The following ATRNL1 variants were observed in gnomAD, a reference collection of about 807,000 sequenced individuals.
The protein encoded by ATRNL1 is attractin-like protein 1.
In ATRNL1, 95 loss-of-function variants were observed where a neutral mutation model predicts 182.7. The observed-to-expected ratio is 0.52, with a 90% CI of 0.44 to 0.62. ATRNL1 has a LOEUF of 0.62. ATRNL1 is among the 20% of genes least tolerant of loss of function. The pLI, the probability that ATRNL1 is intolerant of heterozygous loss-of-function variation, is 0.00. For synonymous variants in ATRNL1, 576 were observed against 568.3 expected (o/e 1.01, Z -0.19); for missense variants, 1,471 against 1,679.5 (o/e 0.88, Z 2.17).
At chr10:115,747,279 A>T (rs1555069409) in intron 27 of ATRNL1, among the ~76,000 whole-genome samples, 1 of 152,108 alleles carries the variant, frequency 6.6e-6, no homozygotes, top group Admixed American at 6.6e-5. Flanking sequence ...TATCTTACAT[A>T]TACTGTTAGA....
At chr10:115,408,822 G>A (rs1261015317) in intron 20 of ATRNL1, among the ~76,000 whole-genome samples, 1 of 152,126 alleles carries the variant, frequency 6.6e-6, no homozygotes, top group Non-Finnish European at 1.5e-5. Context: ...GTTTATTGAA[G>A]AGGTTATTTT....
At chr10:115,195,750 T>G (rs1848335916) in intron 8 of ATRNL1, among the ~76,000 whole-genome samples, 1 of 152,102 alleles carries the variant, frequency 6.6e-6, no homozygotes, top group East Asian at 1.9e-4. Flanking sequence ...TTAAGGCCAG[T>G]AACTCTTTAG....
chr10:115,792,013 C>T (rs537597719), intron 27 of ATRNL1, among the ~76,000 whole-genome samples: 1 of 152,256 alleles, frequency 6.6e-6, no homozygotes, highest in Admixed American at 6.5e-5. Flanking sequence ...AGTGACTTTG[C>T]TTTGCTTACA....
chr10:115,726,855 G>GTT lies in ATRNL1; in HGVS notation c.3796-382_3796-381dup, dbSNP rs10548508. Among the ~76,000 whole-genome samples the GTT allele has an allele frequency of 4.9e-4, 72 of 146,908 alleles. 2 individuals are homozygous for GTT. In the South Asian group the frequency reaches 0.015, roughly 30 times the overall value. On this transcript the variant is annotated intron_variant, in intron 26 of 28. Transcript: ENST00000355044. ...TTATCTTTTCTTAAATATTTTTACT[G>GTT]TTTTTTTTTTTTCTTTTTCAGCTAA...
At chr10:115,223,782 C>T (rs1849564771) in intron 9 of ATRNL1, among the ~76,000 whole-genome samples, 2 of 149,956 alleles carry the variant, frequency 1.3e-5, no homozygotes. Context: ...TAATTGACCA[C>T]AGTGAAATAA....
At chr10:115,617,932 A>C (rs1438844206) in intron 26 of ATRNL1, among the ~76,000 whole-genome samples, 1 of 152,118 alleles carries the variant, frequency 6.6e-6, no homozygotes, top group Non-Finnish European at 1.5e-5. Flanking sequence ...AGGTTATTGG[A>C]TCATAGGGTA....
At position 115,944,730 on chromosome 10, in the gene ATRNL1, G is replaced by A; in HGVS notation, c.4091G>A (p.Gly1364Glu). The stretch of plus-strand genomic sequence containing the variant: ...TCAGATAGTAAAGATAAGACTTCTG[G>A]AGTCCGGAATCGAAAACACCTTTCA... Reference protein sequence around the residue: ...KASDSKDKTSGVRNRKHLSTR... With the variant: ...KASDSKDKTSEVRNRKHLSTR... The change falls in exon 29 of 29, where the codon GGA (glycine) becomes GAA (glutamate). Residue 1364 changes from glycine to glutamate, a missense_variant. Coordinates refer to ENST00000355044, the MANE Select transcript of ATRNL1 (RefSeq NM_207303.4). 6.2e-7 allele frequency: 1 copy of A among 1,613,678 alleles called. No individual in the cohort carries two copies.
intron 20 of ATRNL1, among the ~76,000 whole-genome samples, chr10:115,417,497 C>G (rs1554961081): frequency 6.6e-6 from 1 of 152,202 alleles, no homozygotes. Context: ...GCTCCCCCCA[C>G]TGTAGTCAGG....
chr10:115,581,030 G>A (rs1855037625), intron 26 of ATRNL1, among the ~76,000 whole-genome samples: 1 of 152,052 alleles, frequency 6.6e-6, no homozygotes, highest in South Asian at 2.1e-4. Flanking sequence ...ATTTCACTAA[G>A]GCTGGTTTCT....
intron 25 of ATRNL1, among the ~76,000 whole-genome samples, chr10:115,545,682 G>A (rs2133799637): frequency 6.6e-6 from 1 of 152,288 alleles, no homozygotes; most frequent in Admixed American, 6.5e-5. Flanking sequence ...TAAGGAAGAG[G>A]AATGTTGTGA....
At chr10:115,270,616 G>C (rs550708232) in intron 13 of ATRNL1, among the ~76,000 whole-genome samples, 186 of 151,972 alleles carry the variant, frequency 1.2e-3, no homozygotes, top group African/African-American at 4.2e-3. Flanking sequence ...TGCAGATGGT[G>C]TAAGTCTCAG....
At chr10:115,647,104 T>C (rs1455599936) in intron 26 of ATRNL1, among the ~76,000 whole-genome samples, 3 of 152,004 alleles carry the variant, frequency 2.0e-5, no homozygotes, top group African/African-American at 7.3e-5. Context: ...TTCAGCTTCA[T>C]CCATGTCCCT....
intron 1 of ATRNL1, among the ~76,000 whole-genome samples, chr10:115,109,310 G>A: frequency 6.6e-6 from 1 of 152,164 alleles, no homozygotes. Flanking sequence ...GAATACTTGA[G>A]ACCTAGTGAT....
At chr10:115,620,153 G>A (rs1565219424) in intron 26 of ATRNL1, among the ~76,000 whole-genome samples, 1 of 152,192 alleles carries the variant, frequency 6.6e-6, no homozygotes. Flanking sequence ...TACAATCATG[G>A]AAGAAGAGGA....
intron 26 of ATRNL1, among the ~76,000 whole-genome samples, chr10:115,553,543 A>T (rs1853127113): frequency 6.6e-6 from 1 of 151,406 alleles, no homozygotes; most frequent in African/African-American, 2.4e-5. Context: ...GACATGCCCA[A>T]TGAGGGATTG....
intron 26 of ATRNL1, among the ~76,000 whole-genome samples, chr10:115,718,581 C>T (rs868926454): frequency 5.3e-5 from 8 of 152,240 alleles, no homozygotes; most frequent in Admixed American, 3.3e-4. Flanking sequence ...TTAAGACTCT[C>T]CTAGATAAAT....
At chr10:115,943,341 C>T (rs782280093) in intron 28 of ATRNL1, among the ~76,000 whole-genome samples, 1 of 152,082 alleles carries the variant, frequency 6.6e-6, no homozygotes, top group Non-Finnish European at 1.5e-5. Context: ...AACAAACAAC[C>T]CAATTAAAAA....
intron 19 of ATRNL1, among the ~76,000 whole-genome samples, chr10:115,351,814 C>A (rs1856271301): frequency 6.7e-6 from 1 of 150,292 alleles, no homozygotes; most frequent in South Asian, 2.1e-4. Flanking sequence ...GTTTTGGTAT[C>A]AGGATAATGC....
At chr10:115,338,623 A>T (rs781939142) in intron 19 of ATRNL1, among the ~76,000 whole-genome samples, 23 of 152,166 alleles carry the variant, frequency 1.5e-4, no homozygotes, top group Non-Finnish European at 3.4e-4. Flanking sequence ...TATTTGGGTT[A>T]CTAGTCCTTT....
Sources: gnomAD v4.1 joint callset for allele counts (sites outside exome capture counted in the v4.1 genomes callset) on GRCh38, gnomAD v4.1.1 for gene constraint, MANE v1.5 for transcripts, NCBI Gene and HGNC (gene_info 2026-07-23, HGNC 2026-07-21) for gene names.